Variants in FBXO44 observed in about 807,000 individuals in gnomAD.
The protein encoded by FBXO44 is F-box protein 44.
Under a neutral mutation model 33.5 loss-of-function variants are expected in FBXO44, and 25 were observed. The ratio of observed to expected loss-of-function variants is 0.75; its 90% CI spans 0.54 to 1.04. FBXO44 has a LOEUF of 1.04. FBXO44 is among the 50% of genes least tolerant of loss of function. The pLI, the probability that FBXO44 is intolerant of heterozygous loss-of-function variation, is 0.00. For missense variants in FBXO44, 311 were observed against 344.0 expected (o/e 0.90, Z 0.76); for synonymous variants, 147 against 152.8 (o/e 0.96, Z 0.28).
chr1:11,660,203 C>A (rs1352246164), intron 5 of FBXO44, among the ~76,000 whole-genome samples: 1 of 152,200 alleles, frequency 6.6e-6, no homozygotes. Flanking sequence ...CGCTCTGTCA[C>A]CCAGGTTGGA....
chr1:11,659,113 C>A (rs185965034), intron 5 of FBXO44, among the ~76,000 whole-genome samples: 25 of 152,330 alleles, frequency 1.6e-4, no homozygotes, highest in Middle Eastern at 3.4e-3. Flanking sequence ...GTTGGCAGGG[C>A]GTAGTGGCTC....
chr1:11,655,766 G>A, intron 1 of FBXO44, 40 bp from the exon 2 acceptor site: 5 of 1,579,800 alleles, frequency 3.2e-6, no homozygotes, highest in Non-Finnish European at 4.3e-6. Flanking sequence ...GAGATAAATG[G>A]CAGAGCAGGG....
chr1:11,654,555 C>G, upstream of FBXO44: 2 of 393,322 alleles, frequency 5.1e-6, no homozygotes, highest in Non-Finnish European at 8.8e-6. Context: ...CTGCGGGTTC[C>G]TCAGCGGACC....
intron 5 of FBXO44, 85 bp downstream of exon 5, chr1:11,658,956 C>T: frequency 6.6e-7 from 1 of 1,518,070 alleles, no homozygotes; most frequent in Non-Finnish European, 8.9e-7. Context: ...CAGATCCAAG[C>T]TCTGCACCTT....
At chr1:11,660,515 C>T (rs12403639) in intron 5 of FBXO44, among the ~76,000 whole-genome samples, 7,228 of 152,326 alleles carry the variant, frequency 0.047, 215 homozygotes, top group South Asian at 0.088. Flanking sequence ...GTATATTGGA[C>T]ATCCTTTGGC....
At position 11,661,892 on chromosome 1, in the gene FBXO44, C is replaced by T. The variant is rs2294640; in HGVS notation, c.*619C>T. The T allele has an allele frequency of 0.064, 9,860 of 153,022 alleles. 360 individuals are homozygous for T. Among genetic ancestry groups the T allele is most frequent in the East Asian group, 0.16 (839 of 5,184 alleles). 9.5% of individuals were successfully genotyped at this position (153,022 alleles called of 1,614,324 possible). A position where few individuals can be genotyped will look rare whatever the true frequency, so the allele number is the denominator to read the frequency against. ...ACCCAGGGTGGGGTGGGGTCCAGGT[C>T]GGGTGTGGACTGTCCTCACTGTCAG... On this transcript the variant is annotated 3_prime_UTR_variant, in exon 6 of 6. Coordinates refer to ENST00000251547, the MANE Select transcript of FBXO44 (RefSeq NM_033182.7). This position sits in a 1 kb window ranked among gnomAD's most constrained non-coding sequence, Gnocchi z 4.4.
At chr1:11,654,612 G>C (rs1377204089), upstream of FBXO44, 2 of 347,972 alleles carry the variant, frequency 5.7e-6, no homozygotes, top group Admixed American at 9.6e-5. Context: ...CAACTGGGGA[G>C]GGGTCCGATT....
At chr1:11,655,111 C>T (rs1007384453) in intron 1 of FBXO44, among the ~76,000 whole-genome samples, 159 bp downstream of exon 1, 14 of 151,836 alleles carry the variant, frequency 9.2e-5, no homozygotes, top group African/African-American at 3.1e-4. Context: ...CTGCGCTGCG[C>T]GGCTGCGAAC....
chr1:11,661,279 C>T lies in FBXO44; in HGVS notation c.*6C>T, dbSNP rs1640174103. The stretch of plus-strand genomic sequence containing the variant: ...TCGGGCCCCCGCTGCCCTGACACCC[C>T]CTGAGCCCCCATCTGCTGAACCCTG... On this transcript the variant is annotated 3_prime_UTR_variant, in exon 6 of 6. Transcript: ENST00000251547. The surrounding 1 kb of genome is among the most constrained non-coding windows in gnomAD (Gnocchi z 4.4). 6 of 1,614,006 alleles carry T rather than the reference C, an allele frequency of 3.7e-6. No individual in the cohort carries two copies. Among genetic ancestry groups the T allele is most frequent in the Admixed American group, 1.7e-5 (1 of 60,002 alleles).
intron 2 of FBXO44, among the ~76,000 whole-genome samples, chr1:11,657,601 T>C: frequency 6.6e-6 from 1 of 151,982 alleles, no homozygotes; most frequent in Non-Finnish European, 1.5e-5. Flanking sequence ...ATTAACCAGG[T>C]GTGGTGGCAT....
rs147183191 is a variant in FBXO44 at position 11,656,079 on chromosome 1, C to G, written c.244C>G (p.Leu82Val). Residue 82 changes from leucine to valine, a missense_variant, in exon 2 of 6, where the codon CTG becomes GTG. Leu to Val is a conservative substitution (Grantham distance 32). Coordinates refer to ENST00000251547, the MANE Select transcript of FBXO44 (RefSeq NM_033182.7). ...CTTACGGAGCCTGCACAGGAACCTC[C>G]TGCACAACCCGTGCGCTGAAGGTGG... is the stretch of plus-strand genomic sequence containing the variant. ...YFLRSLHRNL[L>V]HNPCAEEGFE... 6.1e-5 allele frequency: 98 copies of G among 1,613,904 alleles called. No homozygotes were observed. The highest frequency in any genetic ancestry group is 7.3e-5 in the Non-Finnish European group (86 of 1,179,908).
Position 11,661,577 on chromosome 1 carries a change from A to G in FBXO44, c.*304A>G. 2.5e-6 allele frequency: 1 copy of G among 405,046 alleles called. No homozygotes were observed. The allele number at this position is 405,046 out of a possible 1,614,324, so 25.1% of individuals were successfully genotyped here. ...TTCCCCTGGGCCCCTCAGAAAGTCG[A>G]GCTTGGAGGCCAGCCTGGATCTGTC... On this transcript the variant is annotated 3_prime_UTR_variant, in exon 6 of 6. Transcript: ENST00000251547. This position sits in a 1 kb window ranked among gnomAD's most constrained non-coding sequence, Gnocchi z 4.4.
Position 11,661,692 on chromosome 1 carries a change from C to T in FBXO44, c.*419C>T. On this transcript the variant is annotated 3_prime_UTR_variant, in exon 6 of 6. Transcript: ENST00000251547. The surrounding 1 kb of genome is among the most constrained non-coding windows in gnomAD (Gnocchi z 4.4). Reference sequence around the variant, plus strand: ...GACAACTGGCAAGCTTGCAGCTGCCCTGATGGTGCAGGTGCAGGGAGGTGA... The same window carrying T: ...GACAACTGGCAAGCTTGCAGCTGCCTTGATGGTGCAGGTGCAGGGAGGTGA... 1 of 191,216 alleles carries T rather than the reference C, an allele frequency of 5.2e-6. No homozygotes were observed. The highest frequency in any genetic ancestry group is 1.1e-5 in the Non-Finnish European group (1 of 92,814). 11.8% of individuals were successfully genotyped at this position (191,216 alleles called of 1,614,324 possible).
chr1:11,655,614 G>A (rs992375192), intron 1 of FBXO44, 192 bp from the exon 2 acceptor site: 3 of 606,132 alleles, frequency 4.9e-6, no homozygotes, highest in Non-Finnish European at 8.6e-6. Flanking sequence ...TATTGTGAGA[G>A]GCCAGAGAAA....
chr1:11,660,997 A>C, intron 5 of FBXO44, 133 bp from the exon 6 acceptor site: 1 of 870,036 alleles, frequency 1.1e-6, no homozygotes, highest in East Asian at 2.5e-5. Context: ...CGACAAGACT[A>C]GTTGCAAACT....
chr1:11,654,628 C>T (rs999883503), upstream of FBXO44: 1 of 323,966 alleles, frequency 3.1e-6, no homozygotes, highest in Non-Finnish European at 5.6e-6. Flanking sequence ...CGATTTGGGG[C>T]ATCTCGCAGC....
chr1:11,659,740 T>C (rs1236745967), intron 5 of FBXO44, among the ~76,000 whole-genome samples: 1 of 152,142 alleles, frequency 6.6e-6, no homozygotes, highest in African/African-American at 2.4e-5. Context: ...AAGTCATCCT[T>C]CTGCCTCAGC....
At chr1:11,656,123 C>A (rs1313563772) in intron 2 of FBXO44, 23 bp downstream of exon 2, 3 of 1,610,036 alleles carry the variant, frequency 1.9e-6, no homozygotes, top group Non-Finnish European at 2.5e-6. Flanking sequence ...CCGGGTCTGG[C>A]ATGCCTCCAG....
rs1465791018 is a variant in FBXO44, at chr1:11,661,273, A to T, written c.768A>T (p.Ter256CysextTer13). The change falls in exon 6 of 6, where the codon TGA becomes TGT. Residue 256 changes from the stop codon to cysteine (C), a stop_lost. Coordinates refer to ENST00000251547, the MANE Select transcript of FBXO44 (RefSeq NM_033182.7). This position sits in a 1 kb window ranked among gnomAD's most constrained non-coding sequence, Gnocchi z 4.4. ...TCACCATCGGGCCCCCGCTGCCCTG[A>T]CACCCCCTGAGCCCCCATCTGCTGA... is the stretch of plus-strand genomic sequence containing the variant. The part of the protein sequence containing the change: ...SSITIGPPLP[*>C] The T allele has an allele frequency of 1.2e-6, 2 of 1,614,000 alleles. No homozygotes were observed. The highest frequency in any genetic ancestry group is 4.5e-5 in the East Asian group (2 of 44,870).
Sources: gnomAD v4.1 joint callset for allele counts (sites outside exome capture counted in the v4.1 genomes callset) on GRCh38, gnomAD v4.1.1 for gene constraint, Gnocchi (gnomAD v3.1) non-coding constraint, MANE v1.5 for transcripts, NCBI Gene and HGNC (gene_info 2026-07-23, HGNC 2026-07-21) for gene names.